Variants in MYOCD observed in about 807,000 individuals in gnomAD.
MYOCD encodes myocardin.
In MYOCD, 32 loss-of-function variants were observed where a neutral mutation model predicts 96.1. The ratio of observed to expected loss-of-function variants is 0.33; its 90% CI spans 0.25 to 0.45. The LOEUF is 0.45. Among genes scored for constraint, MYOCD ranks in the 20% least tolerant of loss-of-function variants. The pLI is 1.00. For missense variants in MYOCD, 1,133 were observed against 1,200.6 expected (o/e 0.94, Z 0.83); for synonymous variants, 469 against 469.0 (o/e 1.00, Z 0.00).
Position 12,749,254 on chromosome 17 carries a change from C to T in MYOCD, c.1126-3160C>T, listed in dbSNP as rs554258532. 1.5e-4 allele frequency among the ~76,000 whole-genome samples: 23 copies of T among 152,214 alleles called. No individual in the cohort carries two copies. The East Asian group carries it at 3.9e-3, about 26-fold the overall frequency. On this transcript the variant is annotated intron_variant, in intron 9 of 13. Coordinates refer to ENST00000425538, the MANE Select transcript of MYOCD (RefSeq NM_001146312.3). ...ATTCAAAACGTGATTTCAGGCGGGGCGCAGTGGCTCACGCCTGTAATCCTA... is the reference window on the plus strand; with the variant it reads ...ATTCAAAACGTGATTTCAGGCGGGGTGCAGTGGCTCACGCCTGTAATCCTA...
At chr17:12,706,307 G>C (rs1481022115) in intron 2 of MYOCD, among the ~76,000 whole-genome samples, 1 of 152,194 alleles carries the variant, frequency 6.6e-6, no homozygotes, top group Non-Finnish European at 1.5e-5. Context: ...AAACAACGTT[G>C]ACAACTATGC....
At chr17:12,676,792 A>G (rs763053552) in intron 1 of MYOCD, among the ~76,000 whole-genome samples, 2 of 152,230 alleles carry the variant, frequency 1.3e-5, no homozygotes, top group Non-Finnish European at 2.9e-5. Flanking sequence ...TGGTATAGGT[A>G]TGCCATCTGG....
At chr17:12,758,299 G>A (rs955689881) in intron 12 of MYOCD, 86 bp downstream of exon 12, 1 of 1,585,630 alleles carries the variant, frequency 6.3e-7, no homozygotes, top group Non-Finnish European at 8.6e-7. Context: ...CACGCAGTTT[G>A]TAAATTCTGA....
chr17:12,687,245 C>A (rs1204715747), intron 1 of MYOCD, among the ~76,000 whole-genome samples: 1 of 152,084 alleles, frequency 6.6e-6, no homozygotes, highest in Admixed American at 6.5e-5. Flanking sequence ...TTGAAACCAC[C>A]TATTTCTAAC....
At chr17:12,758,317 T>G (rs762130351) in intron 12 of MYOCD, 104 bp downstream of exon 12, 2 of 1,540,420 alleles carry the variant, frequency 1.3e-6, no homozygotes, top group Non-Finnish European at 1.8e-6. Context: ...TGATATTGAG[T>G]GTGTCATGTG....
chr17:12,738,642 A>G (rs994152504), intron 6 of MYOCD, among the ~76,000 whole-genome samples: 6 of 152,050 alleles, frequency 3.9e-5, no homozygotes, highest in Middle Eastern at 3.4e-3. Context: ...ACTCAGACAC[A>G]CACTTGGAGA....
At chr17:12,681,722 T>C (rs889507441) in intron 1 of MYOCD, among the ~76,000 whole-genome samples, 2 of 152,116 alleles carry the variant, frequency 1.3e-5, no homozygotes, top group Middle Eastern at 6.3e-3. Context: ...GCTGCTTGAG[T>C]GCTCTCCTGT....
rs546364059 is a variant in MYOCD, at chr17:12,768,737, A to G, written c.*5093A>G. ...GCACAAAGAGACACTTTGTAAAGAA[A>G]AAAAGAGCAAGCATAGGTTCTCTGT... On this transcript the variant is annotated 3_prime_UTR_variant, in exon 14 of 14. Coordinates refer to ENST00000425538, the MANE Select transcript of MYOCD (RefSeq NM_001146312.3). 4 of 152,238 alleles carry G rather than the reference A, an allele frequency of 2.6e-5. No individual in the cohort carries two copies. The highest frequency in any genetic ancestry group is 9.6e-5 in the African/African-American group (4 of 41,554). 9.4% of individuals were successfully genotyped at this position (152,238 alleles called of 1,614,324 possible).
At chr17:12,697,355 ATATATTTTTT>A (rs1443418643) in intron 1 of MYOCD, among the ~76,000 whole-genome samples, 22 of 86,066 alleles carry the variant, frequency 2.6e-4, no homozygotes, top group African/African-American at 1.2e-3. Flanking sequence ...ATATATATAT[ATATATTTTTT>A]TTTTTTTTTT....
intron 7 of MYOCD, among the ~76,000 whole-genome samples, chr17:12,741,884 G>A (rs1454899513): frequency 6.6e-6 from 1 of 151,858 alleles, no homozygotes; most frequent in African/African-American, 2.4e-5. Flanking sequence ...CTTCTGCTTG[G>A]TCAACAAACA....
chr17:12,667,291 C>T (rs1909428787), intron 1 of MYOCD, among the ~76,000 whole-genome samples: 1 of 152,122 alleles, frequency 6.6e-6, no homozygotes, highest in Admixed American at 6.6e-5. Context: ...CTTAGATGCC[C>T]TTGGTTTTTA....
intron 5 of MYOCD, among the ~76,000 whole-genome samples, chr17:12,733,684 A>G (rs1327796919): frequency 6.6e-6 from 1 of 152,120 alleles, no homozygotes; most frequent in Non-Finnish European, 1.5e-5. Flanking sequence ...CCTGGCTAAC[A>G]TGGTGAAACC....
In MYOCD at chr17:12,765,098, CGAT is replaced by C. The variant is rs1473530521; in HGVS notation, c.*1456_*1458del. On this transcript the variant is annotated 3_prime_UTR_variant, in exon 14 of 14. Coordinates refer to ENST00000425538, the MANE Select transcript of MYOCD (RefSeq NM_001146312.3). ...AGAAAACAGAATTGCGCATTGAAAA[CGAT>C]GGAAGGAAAAAGACAATGGTCTAAT... The C allele has an allele frequency of 6.6e-6, 1 of 152,064 alleles. No individual in the cohort carries two copies. Among genetic ancestry groups the C allele is most frequent in the African/African-American group, 2.4e-5 (1 of 41,396 alleles). 9.4% of individuals were successfully genotyped at this position (152,064 alleles called of 1,614,324 possible). A position where few individuals can be genotyped will look rare whatever the true frequency, so the allele number is the denominator to read the frequency against.
chr17:12,706,917 G>A (rs2031309605), intron 2 of MYOCD, among the ~76,000 whole-genome samples: 1 of 152,098 alleles, frequency 6.6e-6, no homozygotes, highest in Non-Finnish European at 1.5e-5. Flanking sequence ...AAATAATAAA[G>A]CATTTTAAAA....
rs1195635098 is a variant in MYOCD, at chr17:12,765,743, A to C, written c.*2099A>C. ...TCTCTGTGTATGACTAACGGCTCCA[A>C]CCCGATGACTCACAGCTACTTGCTT... On this transcript the variant is annotated 3_prime_UTR_variant, in exon 14 of 14. Transcript: ENST00000425538. 2 of 152,160 alleles carry C rather than the reference A, an allele frequency of 1.3e-5. No homozygotes were observed. Among genetic ancestry groups the C allele is most frequent in the East Asian group, 3.8e-4 (2 of 5,198 alleles). 9.4% of individuals were successfully genotyped at this position (152,160 alleles called of 1,614,324 possible).
In MYOCD at chr17:12,665,911, T is replaced by G; in HGVS notation, c.-278T>G. Reference sequence around the variant, plus strand: ...CCGCAATCGCCGGCAGCCTATGACATCAGACAGGAACGCCTGGGATGCCGC... The same window carrying G: ...CCGCAATCGCCGGCAGCCTATGACAGCAGACAGGAACGCCTGGGATGCCGC... On this transcript the variant is annotated 5_prime_UTR_variant, in exon 1 of 14. Coordinates refer to ENST00000425538, the MANE Select transcript of MYOCD (RefSeq NM_001146312.3). This position sits in a 1 kb window ranked among gnomAD's most constrained non-coding sequence, Gnocchi z 4.2. 2.1e-6 allele frequency: 1 copy of G among 487,086 alleles called. No individual in the cohort carries two copies. Among genetic ancestry groups the G allele is most frequent in the Non-Finnish European group, 3.7e-6 (1 of 273,586 alleles). 30.2% of individuals were successfully genotyped at this position (487,086 alleles called of 1,614,324 possible).
At chr17:12,735,585 G>A (rs1426978684) in intron 5 of MYOCD, among the ~76,000 whole-genome samples, 2 of 152,272 alleles carry the variant, frequency 1.3e-5, no homozygotes, top group Non-Finnish European at 1.5e-5. Flanking sequence ...TCATGCATTC[G>A]TTGAATGGCT....
intron 1 of MYOCD, among the ~76,000 whole-genome samples, chr17:12,668,667 C>T (rs1909504443): frequency 6.6e-6 from 1 of 151,774 alleles, no homozygotes; most frequent in African/African-American, 2.4e-5. Flanking sequence ...TCTCGGGGGC[C>T]AGACTAGCTG....
rs907828215 is a variant in MYOCD at position 12,740,812 on chromosome 17, C to G, written c.717+1484C>G. On this transcript the variant is annotated intron_variant, in intron 7 of 13. Transcript: ENST00000425538. ...GGAGTGCAGTGGCGTGATCTCAGCT[C>G]GTCGCAACCTCCGCCTCCCAGGTTC... 2.6e-5 allele frequency among the ~76,000 whole-genome samples: 4 copies of G among 152,018 alleles called. No homozygotes were observed. In the South Asian group the frequency reaches 8.3e-4, roughly 31 times the overall value.
Sources: gnomAD v4.1 joint callset for allele counts (sites outside exome capture counted in the v4.1 genomes callset) on GRCh38, gnomAD v4.1.1 for gene constraint, Gnocchi (gnomAD v3.1) non-coding constraint, MANE v1.5 for transcripts, NCBI Gene and HGNC (gene_info 2026-07-23, HGNC 2026-07-21) for gene names.